Variants in USP45 observed in about 807,000 individuals in gnomAD.
USP45 encodes ubiquitin carboxyl-terminal hydrolase 45.
A neutral mutation model predicts 95.8 loss-of-function variants in USP45; 89 were observed. The observed-to-expected ratio is 0.93, with a 90% CI of 0.78 to 1.11. The LOEUF is 1.11. Among genes scored for constraint, USP45 ranks in the 50% least tolerant of loss-of-function variants. The pLI, the probability that USP45 is intolerant of heterozygous loss-of-function variation, is 0.00. For synonymous variants in USP45, 281 were observed against 316.2 expected (o/e 0.89, Z 1.18); for missense variants, 898 against 942.5 (o/e 0.95, Z 0.62).
chr6:99,482,760 A>T lies in USP45; in HGVS notation c.838T>A (p.Cys280Ser), dbSNP rs1011370456. The T allele has an allele frequency of 5.0e-6, 8 of 1,599,556 alleles. No homozygotes were observed. The Admixed American group carries it at 1.2e-4, about 24-fold the overall frequency. Residue 280 changes from cysteine to serine, a missense_variant, in exon 8 of 18, where the codon TGT becomes AGT. Coordinates refer to ENST00000500704, the MANE Select transcript of USP45 (RefSeq NM_001346022.3). ...LSPKVLFNQL[C>S]QKAPRFKDFQ... Reference sequence around the variant, plus strand: ...AAATGTAGATGCACCCACTTCTGACAAAGCTGATTAAAAAGAACTTTAGGA... The same window carrying T: ...AAATGTAGATGCACCCACTTCTGACTAAGCTGATTAAAAAGAACTTTAGGA...
At chr6:99,462,387 T>C (rs1220294133) in intron 13 of USP45, 1 of 984,510 alleles carries the variant, frequency 1.0e-6, no homozygotes, top group Non-Finnish European at 1.2e-6. Flanking sequence ...TTAAAACTAC[T>C]TTGGCCAGTA....
At position 99,443,582 on chromosome 6, in the gene USP45, G is replaced by A. The variant is rs1309387579; in HGVS notation, c.2056C>T (p.Leu686=). 2 of 1,607,890 alleles carry A rather than the reference G, an allele frequency of 1.2e-6. No homozygotes were observed. Among genetic ancestry groups the A allele is most frequent in the South Asian group, 1.1e-5 (1 of 89,568 alleles). The change falls in exon 15 of 18, where the codon CTG becomes TTG. Residue 686 remains leucine (L), a synonymous_variant. Transcript: ENST00000500704. ...AAACTTACCTGATGAAATCTTTTCAGGTGGAGAATTAGGACAGCTGGAACA... is the reference window on the plus strand; with the variant it reads ...AAACTTACCTGATGAAATCTTTTCAAGTGGAGAATTAGGACAGCTGGAACA... ...SAVPAVLILH[L]KRFHQAGLSL... is the part of the protein sequence containing the mutation.
At chr6:99,493,529 C>T (rs951257791) in intron 5 of USP45, among the ~76,000 whole-genome samples, 9 of 151,428 alleles carry the variant, frequency 5.9e-5, no homozygotes, top group African/African-American at 2.2e-4. Flanking sequence ...CGGAGTTTTG[C>T]TCTTGTCGCC....
chr6:99,515,673 C>T (rs1801035743), upstream of USP45, among the ~76,000 whole-genome samples: 1 of 152,142 alleles, frequency 6.6e-6, no homozygotes, highest in African/African-American at 2.4e-5. Flanking sequence ...CCAGCGTGCG[C>T]ACCTCGGATG....
At chr6:99,488,957 T>G (rs1794598127) in intron 5 of USP45, 137 bp from the exon 6 acceptor site, 10 of 635,980 alleles carry the variant, frequency 1.6e-5, no homozygotes, top group Middle Eastern at 4.7e-4. Flanking sequence ...GGGAAGAATA[T>G]AAACACAACT....
intron 8 of USP45, among the ~76,000 whole-genome samples, chr6:99,477,950 C>T (rs1320437797): frequency 1.3e-5 from 2 of 152,172 alleles, no homozygotes; most frequent in Admixed American, 6.5e-5. Context: ...GAACCCTATA[C>T]TTATGCTGTA....
rs35868664 is a variant in USP45 at position 99,491,118 on chromosome 6, CTT to C, written c.479-2300_479-2299del. 4.6e-5 allele frequency among the ~76,000 whole-genome samples: 7 copies of C among 152,262 alleles called. No individual in the cohort carries two copies. In the East Asian group the frequency reaches 1.4e-3, roughly 29 times the overall value. ...AGAAAAGAACTAGCAAGATAGGTCT[CTT>C]TTCCTGTCCTCCAAATATTATAATA... is the stretch of plus-strand genomic sequence containing the variant. On this transcript the variant is annotated intron_variant, in intron 5 of 17. Transcript: ENST00000500704.
intron 7 of USP45, among the ~76,000 whole-genome samples, chr6:99,484,004 GTTTTTTTTTTTT>G (rs773687208): frequency 3.3e-5 from 3 of 91,464 alleles, no homozygotes; most frequent in Non-Finnish European, 5.8e-5. Flanking sequence ...ATTTTCCATA[GTTTTTTTTTTTT>G]TTTTTTTTTA....
intron 5 of USP45, among the ~76,000 whole-genome samples, chr6:99,489,156 TA>T (rs1794635644): frequency 6.6e-6 from 1 of 152,028 alleles, no homozygotes; most frequent in Admixed American, 6.5e-5. Context: ...TAAGGACGTC[TA>T]GGGGAAAAGG....
intron 9 of USP45, among the ~76,000 whole-genome samples, chr6:99,475,593 G>A (rs951085223): frequency 6.6e-6 from 1 of 152,022 alleles, no homozygotes; most frequent in African/African-American, 2.4e-5. Context: ...TGGGATTACA[G>A]GCATGAGCCA....
Position 99,503,873 on chromosome 6 carries a change from AG to A in USP45, c.378-9del. The A allele has an allele frequency of 2.0e-6, 3 of 1,535,284 alleles. No individual in the cohort carries two copies. The highest frequency in any genetic ancestry group is 2.6e-6 in the Non-Finnish European group (3 of 1,136,182). Reference sequence around the variant, plus strand: ...TCATCACATTCATAACACCTGAAAAAGTATAAAATTTAAGAAAATATTATGA... The same window carrying A: ...TCATCACATTCATAACACCTGAAAAATATAAAATTTAAGAAAATATTATGA... On this transcript the variant is annotated splice_polypyrimidine_tract_variant and intron_variant, in intron 4 of 17. Coordinates refer to ENST00000500704, the MANE Select transcript of USP45 (RefSeq NM_001346022.3).
chr6:99,456,010 G>A (rs1273230036), intron 13 of USP45, among the ~76,000 whole-genome samples: 2 of 151,272 alleles, frequency 1.3e-5, no homozygotes, highest in African/African-American at 2.4e-5. Flanking sequence ...GCGGGCACCT[G>A]TAGTCCCAGC....
intron 11 of USP45, 109 bp from the exon 12 acceptor site, chr6:99,465,245 A>G: frequency 1.3e-6 from 1 of 794,202 alleles, no homozygotes; most frequent in Non-Finnish European, 1.9e-6. Context: ...ATTTTACGTT[A>G]AAAACTGTTC....
At chr6:99,470,941 A>G (rs1296839098) in intron 9 of USP45, among the ~76,000 whole-genome samples, 1 of 152,192 alleles carries the variant, frequency 6.6e-6, no homozygotes, top group Non-Finnish European at 1.5e-5. Flanking sequence ...ACTAATTCAG[A>G]CATGATTTTT....
intron 9 of USP45, among the ~76,000 whole-genome samples, chr6:99,471,663 G>C (rs892471516): frequency 2.0e-5 from 3 of 152,174 alleles, no homozygotes; most frequent in African/African-American, 7.2e-5. Context: ...TATTCAGCAA[G>C]AGTATATTCC....
At chr6:99,511,512 G>A (rs1799788338) in intron 1 of USP45, among the ~76,000 whole-genome samples, 1 of 151,836 alleles carries the variant, frequency 6.6e-6, no homozygotes, top group African/African-American at 2.4e-5. Flanking sequence ...GCAGTGGCCT[G>A]ATTTCAGCTC....
At position 99,466,760 on chromosome 6, in the gene USP45, T is replaced by C; in HGVS notation, c.1019A>G (p.Tyr340Cys). The change falls in exon 11 of 18, where the codon TAT becomes TGT. Residue 340 changes from tyrosine to cysteine, a missense_variant. Transcript: ENST00000500704. ...GTTCATTTTCACACCTTCTTTTCCA[T>C]ATGCTGTAAAAATCATACTTTTTAA... is the stretch of plus-strand genomic sequence containing the variant. ...DDETRKKVKA[Y>C]GKEGVKMNFI... is the part of the protein sequence containing the mutation. 6.2e-7 allele frequency: 1 copy of C among 1,612,516 alleles called. No individual in the cohort carries two copies. Among genetic ancestry groups the C allele is most frequent in the Non-Finnish European group, 8.5e-7 (1 of 1,178,962 alleles).
intron 8 of USP45, among the ~76,000 whole-genome samples, chr6:99,481,465 C>G (rs1428053620): frequency 6.6e-6 from 1 of 152,156 alleles, no homozygotes; most frequent in East Asian, 1.9e-4. Flanking sequence ...CTGGCAAAGT[C>G]AGAAACAAAT....
intron 13 of USP45, among the ~76,000 whole-genome samples, chr6:99,451,986 G>C (rs1783965079): frequency 6.6e-6 from 1 of 152,138 alleles, no homozygotes; most frequent in Non-Finnish European, 1.5e-5. Flanking sequence ...TATGTAGAAA[G>C]CTGAAAATGG....
Sources: allele counts gnomAD v4.1 joint callset (sites outside exome capture counted in the v4.1 genomes callset), GRCh38; gene constraint gnomAD v4.1.1; transcripts MANE v1.5; gene names NCBI Gene and HGNC (gene_info 2026-07-23, HGNC 2026-07-21).